Variants in RIC1 observed in about 807,000 individuals in gnomAD.
RIC1 encodes RIC1 partner of RAB6A GEF complex.
In RIC1, 88 loss-of-function variants were observed where a neutral mutation model predicts 169.0. The ratio of observed to expected loss-of-function variants is 0.52; its 90% CI spans 0.44 to 0.62. RIC1 has a LOEUF of 0.62. Among genes scored for constraint, RIC1 ranks in the 20% least tolerant of loss-of-function variants. The pLI, the probability that RIC1 is intolerant of heterozygous loss-of-function variation, is 0.00. For synonymous variants in RIC1, 790 were observed against 601.5 expected (o/e 1.31, Z -4.59); for missense variants, 1,877 against 1,725.5 (o/e 1.09, Z -1.56).
intron 13 of RIC1, 125 bp from the exon 14 acceptor site, chr9:5,753,411 C>A: frequency 1.2e-6 from 1 of 813,050 alleles, no homozygotes; most frequent in Non-Finnish European, 2.0e-6. Context: ...AATATTTGGA[C>A]TTTAAAATAT....
In RIC1 at chr9:5,765,744, G is replaced by C. The variant is rs766846635; in HGVS notation, c.3083G>C (p.Ser1028Thr). The C allele has an allele frequency of 2.5e-6, 4 of 1,614,156 alleles. No homozygotes were observed. Among genetic ancestry groups the C allele is most frequent in the Non-Finnish European group, 3.4e-6 (4 of 1,180,014 alleles). Reference protein sequence around the residue: ...LSQSAENVPASKFSLQKTLSM... With the variant: ...LSQSAENVPATKFSLQKTLSM... Reference sequence around the variant, plus strand: ...CAGTCAGCTGAAAATGTTCCTGCCAGTAAATTCAGTTTACAGAAAACACTA... The same window carrying C: ...CAGTCAGCTGAAAATGTTCCTGCCACTAAATTCAGTTTACAGAAAACACTA... Residue 1028 changes from serine to threonine, a missense_variant, in exon 21 of 26, where the codon AGT becomes ACT. Physicochemically the swap from Ser to Thr is moderately conservative, Grantham distance 58. Around this residue, in one of 3 missense-constraint regions of RIC1, gnomAD observed 681 missense variants for 582.0 expected, o/e 1.17. Coordinates refer to ENST00000414202, the MANE Select transcript of RIC1 (RefSeq NM_020829.4).
At chr9:5,690,094 A>T (rs1242032644) in intron 3 of RIC1, 56 bp downstream of exon 3, 5 of 1,201,250 alleles carry the variant, frequency 4.2e-6, no homozygotes, top group Non-Finnish European at 5.9e-6. Context: ...TTATATTCAG[A>T]AAAACATTAC....
At chr9:5,731,630 C>A (rs868413408) in intron 6 of RIC1, among the ~76,000 whole-genome samples, 12 of 152,214 alleles carry the variant, frequency 7.9e-5, no homozygotes, top group Admixed American at 2.6e-4. Context: ...TAGGAGCAAA[C>A]AACTGAGCTG....
Position 5,773,995 on chromosome 9 carries a change from C to T in RIC1, c.4021C>T (p.Gln1341Ter), listed in dbSNP as rs1277820137. ...GCCATTTTTAAACATCATTAAGCCACAACTGCAGAAGCTCAGTGAGATAAC... is the reference window on the plus strand; with the variant it reads ...GCCATTTTTAAACATCATTAAGCCATAACTGCAGAAGCTCAGTGAGATAAC... ...YKPFLNIIKP[Q>*]LQKLSEITEE... Residue 1341 changes from glutamine to a stop codon, truncating the protein, a stop_gained, in exon 26 of 26, where the codon CAA becomes TAA. Transcript: ENST00000414202. LOFTEE classifies it high-confidence loss of function. 6.2e-7 allele frequency: 1 copy of T among 1,612,168 alleles called. No homozygotes were observed. The highest frequency in any genetic ancestry group is 1.7e-5 in the Admixed American group (1 of 59,610).
At chr9:5,759,146 A>T (rs1323848688) in intron 17 of RIC1, among the ~76,000 whole-genome samples, 1 of 152,202 alleles carries the variant, frequency 6.6e-6, no homozygotes, top group African/African-American at 2.4e-5. Flanking sequence ...CTAATTGATA[A>T]GGGAATATAC....
chr9:5,661,980 C>T (rs1202440151), intron 2 of RIC1, among the ~76,000 whole-genome samples: 2 of 152,064 alleles, frequency 1.3e-5, no homozygotes, highest in African/African-American at 4.8e-5. Flanking sequence ...TCATATATGA[C>T]TCTTATTATT....
chr9:5,712,090 T>A (rs1386186585), intron 3 of RIC1, among the ~76,000 whole-genome samples: 1 of 152,144 alleles, frequency 6.6e-6, no homozygotes. Context: ...GGTATATACC[T>A]AGTAATGGGA....
At chr9:5,634,529 A>C (rs1248828896) in intron 1 of RIC1, among the ~76,000 whole-genome samples, 10 of 151,484 alleles carry the variant, frequency 6.6e-5, no homozygotes, top group African/African-American at 2.2e-4. Context: ...ATCTGTTCAG[A>C]TCTCTTGTCC....
intron 17 of RIC1, among the ~76,000 whole-genome samples, chr9:5,760,634 C>T (rs1237806903): frequency 6.6e-6 from 1 of 152,050 alleles, no homozygotes; most frequent in East Asian, 1.9e-4. Flanking sequence ...TACTGTTATC[C>T]AGGTGTCTGA....
intron 4 of RIC1, among the ~76,000 whole-genome samples, chr9:5,715,624 C>T (rs1391030491): frequency 1.3e-5 from 2 of 152,060 alleles, no homozygotes; most frequent in African/African-American, 4.8e-5. Flanking sequence ...TCAGATAAGG[C>T]TAGGATATTG....
At chr9:5,768,677 G>C (rs932977509) in intron 21 of RIC1, among the ~76,000 whole-genome samples, 2 of 151,994 alleles carry the variant, frequency 1.3e-5, no homozygotes, top group Non-Finnish European at 2.9e-5. Flanking sequence ...ATAGAGGTTT[G>C]CTGCCTTTCT....
intron 12 of RIC1, among the ~76,000 whole-genome samples, chr9:5,752,070 A>G (rs927041498): frequency 1.3e-5 from 2 of 152,336 alleles, no homozygotes; most frequent in South Asian, 2.1e-4. Context: ...ACTAATCAGC[A>G]GGCTAGAGAG....
chr9:5,727,774 A>G (rs1019942792), intron 6 of RIC1, among the ~76,000 whole-genome samples: 2 of 152,338 alleles, frequency 1.3e-5, no homozygotes, highest in African/African-American at 4.8e-5. Flanking sequence ...CAGGACCCTC[A>G]GCTGTAGGTC....
chr9:5,685,308 C>T (rs1481894682), intron 2 of RIC1, among the ~76,000 whole-genome samples: 3 of 150,850 alleles, frequency 2.0e-5, no homozygotes, highest in East Asian at 1.9e-4. Context: ...AAAAAGAGCC[C>T]GCATCGCCAA....
intron 19 of RIC1, among the ~76,000 whole-genome samples, chr9:5,764,468 T>C (rs1287823945): frequency 6.6e-6 from 1 of 152,246 alleles, no homozygotes; most frequent in African/African-American, 2.4e-5. Context: ...CATTAGCTAT[T>C]TGACAAAAGG....
intron 7 of RIC1, among the ~76,000 whole-genome samples, chr9:5,735,472 G>C (rs553468081): frequency 6.6e-6 from 1 of 152,200 alleles, no homozygotes; most frequent in Non-Finnish European, 1.5e-5. Context: ...GGAAGTACTA[G>C]CCCTTCCCAG....
intron 8 of RIC1, 40 bp from the exon 9 acceptor site, chr9:5,742,829 C>T (rs535353303): frequency 1.4e-6 from 2 of 1,421,652 alleles, no homozygotes; most frequent in South Asian, 1.3e-5. Context: ...ATTTCTGAAG[C>T]AACTATTTAT....
chr9:5,704,487 C>T (rs1182441223), intron 3 of RIC1, among the ~76,000 whole-genome samples: 1 of 152,186 alleles, frequency 6.6e-6, no homozygotes, highest in Non-Finnish European at 1.5e-5. Context: ...GCTGGAATTA[C>T]AAGCATGAGC....
rs1827449755 is a variant in RIC1 at position 5,774,230 on chromosome 9, A to ACTGTT, written c.4261_4265dup (p.Ser1423LeufsTer16). ...GAACCTTTTCAGGATGGGACTTACGACTGTTCTGTGTCCTAACAGTGAGGT... is the reference window on the plus strand; with the variant it reads ...GAACCTTTTCAGGATGGGACTTACGACTGTTCTGTTCTGTGTCCTAACAGTGAGGT... On this transcript the variant is annotated frameshift_variant, in exon 26 of 26. Transcript: ENST00000414202. LOFTEE classifies it high-confidence loss of function. The ACTGTT allele has an allele frequency of 5.0e-6, 8 of 1,609,540 alleles. No homozygotes were observed. The highest frequency in any genetic ancestry group is 6.8e-6 in the Non-Finnish European group (8 of 1,177,664).
Sources: gnomAD v4.1 joint callset for allele counts (sites outside exome capture counted in the v4.1 genomes callset) on GRCh38, gnomAD v4.1.1 for gene constraint, gnomAD v4.1.1 regional missense constraint, MANE v1.5 for transcripts, NCBI Gene and HGNC (gene_info 2026-07-23, HGNC 2026-07-21) for gene names.